Variants in PC observed in about 807,000 individuals in gnomAD.
PC encodes the protein pyruvate carboxylase, also known as pyruvate carboxylase, mitochondrial.
In PC, 46 loss-of-function variants were observed where a neutral mutation model predicts 107.8. The observed-to-expected ratio is 0.43, with a 90% confidence interval of 0.34 to 0.55. The LOEUF (loss-of-function observed/expected upper bound fraction) is 0.55, where lower values mean the gene tolerates loss of function less well. Among genes scored for constraint, PC ranks in the 20% least tolerant of loss-of-function variants. PC has a pLI of 0.04. For missense variants in PC, 1,241 were observed against 1,643.1 expected, an observed-to-expected ratio of 0.76 and a Z score of 4.23; for synonymous variants, 662 against 684.7, an observed-to-expected ratio of 0.97 and a Z score of 0.52.
chr11:66,873,345 T>C (rs1284794066), intron 3 of PC, among the ~76,000 whole-genome samples: 1 of 116,722 alleles, frequency 8.6e-6, no homozygotes, highest in Non-Finnish European at 1.7e-5. Context: ...CTTTAAAAAA[T>C]ATATATATAT....
intron 3 of PC, among the ~76,000 whole-genome samples, chr11:66,923,020 G>A (rs1029732182): frequency 2.6e-5 from 4 of 152,332 alleles, no homozygotes; most frequent in Admixed American, 2.6e-4. Context: ...GAGGCGTGCT[G>A]AGCAATGATG....
chr11:66,947,599 G>T (rs1431752095), intron 3 of PC, among the ~76,000 whole-genome samples: 1 of 151,370 alleles, frequency 6.6e-6, no homozygotes, highest in Non-Finnish European at 1.5e-5. Flanking sequence ...AGTGGCTCAT[G>T]CCTGTAACCC....
chr11:66,941,464 G>A (rs1355812366), intron 3 of PC, among the ~76,000 whole-genome samples: 2 of 152,166 alleles, frequency 1.3e-5, no homozygotes, highest in African/African-American at 4.8e-5. Context: ...GAATGGATAA[G>A]TAAAATCCAT....
intron 3 of PC, among the ~76,000 whole-genome samples, chr11:66,948,635 T>A (rs142865374): frequency 4.6e-5 from 7 of 152,036 alleles, no homozygotes; most frequent in Non-Finnish European, 8.8e-5. Flanking sequence ...AGCTCAGGAG[T>A]TCGAGATGAG....
At chr11:66,937,780 G>GTTTTTTTTTTTTTTTTTTTTTT (rs113916680) in intron 3 of PC, among the ~76,000 whole-genome samples, 1 of 137,248 alleles carries the variant, frequency 7.3e-6, no homozygotes, top group Non-Finnish European at 1.6e-5. Flanking sequence ...GGTTTTTTTT[G>GTTTTTTTTTTTTTTTTTTTTTT]TTTTTTTTTT....
chr11:66,920,761 G>A (rs1948574981), intron 3 of PC, among the ~76,000 whole-genome samples: 2 of 152,190 alleles, frequency 1.3e-5, no homozygotes, highest in African/African-American at 4.8e-5. Flanking sequence ...ATACAGGCAT[G>A]AGGCTGGGCG....
intron 3 of PC, among the ~76,000 whole-genome samples, chr11:66,911,467 C>T (rs554366977): frequency 6.6e-6 from 1 of 152,200 alleles, no homozygotes; most frequent in East Asian, 1.9e-4. Context: ...TGGCAGATGC[C>T]TGTAGTCCCA....
At chr11:66,914,838 C>G (rs1948428698) in intron 3 of PC, among the ~76,000 whole-genome samples, 1 of 151,920 alleles carries the variant, frequency 6.6e-6, no homozygotes, top group African/African-American at 2.4e-5. Flanking sequence ...AGTTCAAGAC[C>G]AGCCTGGGCA....
At position 66,853,258 on chromosome 11, in the gene PC, T is replaced by C. The variant is rs761935997; in HGVS notation, c.1494A>G (p.Gln498=). 94 of 1,613,712 alleles carry C rather than the reference T, an allele frequency of 5.8e-5. No homozygotes were observed. In the East Asian group the frequency reaches 2.0e-3, roughly 35 times the overall value. The change falls in exon 13 of 23, where the codon CAA becomes CAG. Residue 498 remains glutamine (Q), a synonymous_variant. Coordinates refer to ENST00000393960, the MANE Select transcript of PC (RefSeq NM_001040716.2). Reference sequence around the variant, plus strand: ...CCAGACCGAGGTAGTGCAACAGCTTTTGGGCCCGGTTCTGTGCAGGCCGCA... The same window carrying C: ...CCAGACCGAGGTAGTGCAACAGCTTCTGGGCCCGGTTCTGTGCAGGCCGCA... ...FQLRPAQNRA[Q]KLLHYLGHVM... is the part of the protein sequence containing the mutation.
At chr11:66,923,884 C>CAAAAAAAAA (rs71045969) in intron 3 of PC, among the ~76,000 whole-genome samples, 1 of 111,012 alleles carries the variant, frequency 9.0e-6, no homozygotes, top group Admixed American at 9.8e-5. Context: ...GACCTCAAGG[C>CAAAAAAAAA]AAAAAAAAAA....
At position 66,870,648 on chromosome 11, in the gene PC, AGTCCTCTGGAAAAGCG is replaced by A. The variant is rs1946688371; in HGVS notation, c.751+111_751+126del. On this transcript the variant is annotated intron_variant, in intron 8 of 22. Transcript: ENST00000393960. The surrounding 1 kb of genome is among the most constrained non-coding windows in gnomAD (Gnocchi z 6.1). ...TCGGCCCCTAGAGCCCACTTTCCAG[AGTCCTCTGGAAAAGCG>A]CCCGACAGGCCCCAGGGCTGTCCCC... 2 of 1,153,596 alleles carry A rather than the reference AGTCCTCTGGAAAAGCG, an allele frequency of 1.7e-6. No homozygotes were observed. The highest frequency in any genetic ancestry group is 3.4e-5 in the Admixed American group (2 of 58,434). 71.5% of individuals were successfully genotyped at this position (1,153,596 alleles called of 1,614,324 possible).
At chr11:66,917,424 C>T (rs1948488396) in intron 3 of PC, among the ~76,000 whole-genome samples, 1 of 152,124 alleles carries the variant, frequency 6.6e-6, no homozygotes, top group South Asian at 2.1e-4. Context: ...AGGGTCTATG[C>T]AAATTGGCGT....
At chr11:66,860,710 T>C in intron 12 of PC, 1 of 700,716 alleles carries the variant, frequency 1.4e-6, no homozygotes, top group Non-Finnish European at 2.6e-6. Context: ...TACCCTCGCC[T>C]GTAAGTGCAA....
intron 3 of PC, among the ~76,000 whole-genome samples, chr11:66,882,437 G>A (rs1480981961): frequency 6.6e-6 from 1 of 152,240 alleles, no homozygotes; most frequent in Non-Finnish European, 1.5e-5. Context: ...TGCTTCAGGG[G>A]CGGGTGGCCA....
Position 66,871,550 on chromosome 11 carries a change from C to T in PC, c.322-70G>A. 6.3e-7 allele frequency: 1 copy of T among 1,599,932 alleles called. No individual in the cohort carries two copies. The highest frequency in any genetic ancestry group is 1.1e-5 in the South Asian group (1 of 90,692). ...CCAAGGCCTCGGCCAGCCTCTTCCC[C>T]TGCCTAACCTGCTGAGCTGCATCCG... On this transcript the variant is annotated intron_variant, in intron 5 of 22. Coordinates refer to ENST00000393960, the MANE Select transcript of PC (RefSeq NM_001040716.2). This position sits in a 1 kb window ranked among gnomAD's most constrained non-coding sequence, Gnocchi z 7.4.
At position 66,938,861 on chromosome 11, in the gene PC, G is replaced by A. The variant is rs560976019; in HGVS notation, c.-1+13569C>T. ...ATGTAGCAATCATTTTCTGATGTAC[G>A]TTTTGGTGATTTCCCATTTTCTGCT... is the stretch of plus-strand genomic sequence containing the variant. On this transcript the variant is annotated intron_variant, in intron 3 of 22. Coordinates refer to ENST00000393960, the MANE Select transcript of PC (RefSeq NM_001040716.2). Among the ~76,000 whole-genome samples, 30 of 152,242 alleles carry A rather than the reference G, an allele frequency of 2.0e-4. No individual in the cohort carries two copies. The South Asian group carries it at 4.1e-3, about 21-fold the overall frequency.
In PC at chr11:66,866,280, C is replaced by T. The variant is rs1192644624; in HGVS notation, c.1092G>A (p.Gln364=). 6 of 1,613,218 alleles carry T rather than the reference C, an allele frequency of 3.7e-6. No individual in the cohort carries two copies. In the Admixed American group the frequency reaches 8.3e-5, roughly 22 times the overall value. ...CACACCCGTTGATGCGGATGTTCTC[C>T]TGCCGCAGGCCCAGGTCGGGTAGGC... is the stretch of plus-strand genomic sequence containing the variant. ...GRSLPDLGLR[Q]ENIRINGCAI... The change falls in exon 11 of 23, where the codon CAG becomes CAA. Residue 364 remains glutamine (Q), a synonymous_variant. Transcript: ENST00000393960. The surrounding 1 kb of genome is among the most constrained non-coding windows in gnomAD (Gnocchi z 5.4).
chr11:66,866,847 G>A lies in PC; in HGVS notation c.1023-498C>T, dbSNP rs1946520986. On this transcript the variant is annotated intron_variant, in intron 10 of 22. Coordinates refer to ENST00000393960, the MANE Select transcript of PC (RefSeq NM_001040716.2). This position sits in a 1 kb window ranked among gnomAD's most constrained non-coding sequence, Gnocchi z 5.4. ...GGGGGCAGTGTGCAAGGGAACAGGT[G>A]CTGTGAAGGCTGGGCTCCTCGAAAT... Among the ~76,000 whole-genome samples the A allele has an allele frequency of 6.6e-6, 1 of 152,216 alleles. No individual in the cohort carries two copies. Among genetic ancestry groups the A allele is most frequent in the Non-Finnish European group, 1.5e-5 (1 of 68,040 alleles).
chr11:66,913,618 C>T (rs946776551), intron 3 of PC, among the ~76,000 whole-genome samples: 1 of 148,992 alleles, frequency 6.7e-6, no homozygotes, highest in African/African-American at 2.5e-5. Context: ...GTCAAGGTCA[C>T]GCCACTGCAC....
Sources: allele counts gnomAD v4.1 joint callset (sites outside exome capture counted in the v4.1 genomes callset), GRCh38; gene constraint gnomAD v4.1.1; non-coding constraint Gnocchi (gnomAD v3.1); transcripts MANE v1.5; gene names NCBI Gene and HGNC (gene_info 2026-07-23, HGNC 2026-07-21).